Variants in ZCCHC14 observed in about 807,000 individuals in gnomAD.
ZCCHC14 encodes zinc finger CCHC-type containing 14, also known as zinc finger CCHC domain-containing protein 14.
A neutral mutation model predicts 85.0 loss-of-function variants in ZCCHC14; 16 were observed. The observed-to-expected ratio is 0.19, with a 90% CI of 0.13 to 0.29. ZCCHC14 has a LOEUF of 0.29. Among genes scored for constraint, ZCCHC14 ranks in the 10% least tolerant of loss-of-function variants. The pLI, the probability that ZCCHC14 is intolerant of heterozygous loss-of-function variation, is 1.00. For missense variants in ZCCHC14, 1,303 were observed against 1,443.5 expected (o/e 0.90, Z 1.58); for synonymous variants, 775 against 630.7 (o/e 1.23, Z -3.43).
At position 87,412,993 on chromosome 16, in the gene ZCCHC14, G is replaced by T. The variant is rs368465294; in HGVS notation, c.1745-17C>A. 4.6e-5 allele frequency: 74 copies of T among 1,613,612 alleles called. No individual in the cohort carries two copies. The highest frequency in any genetic ancestry group is 2.5e-4 in the Admixed American group (15 of 59,944). On this transcript the variant is annotated splice_polypyrimidine_tract_variant and intron_variant, in intron 11 of 12. Transcript: ENST00000671377. ...TCTCCACACCTAGAGAGGGAAACAA[G>T]AGTGGTCAGTGCCATTCCACAGCTG...
At chr16:87,426,352 C>CGA (rs1909371086) in intron 3 of ZCCHC14, among the ~76,000 whole-genome samples, 1 of 152,256 alleles carries the variant, frequency 6.6e-6, no homozygotes, top group African/African-American at 2.4e-5. Context: ...TACCCCATTA[C>CGA]TTTACATTTC....
intron 10 of ZCCHC14, 49 bp from the exon 11 acceptor site, chr16:87,413,244 C>T: frequency 6.8e-7 from 1 of 1,473,718 alleles, no homozygotes; most frequent in Non-Finnish European, 9.0e-7. Flanking sequence ...CCCCTGCAGG[C>T]TCAGCCCGCC....
At chr16:87,487,461 G>C (rs925659562) in intron 1 of ZCCHC14, among the ~76,000 whole-genome samples, 5 of 152,144 alleles carry the variant, frequency 3.3e-5, no homozygotes, top group Non-Finnish European at 5.9e-5. Context: ...AAATGCACCA[G>C]CCCGGAGGCT....
Position 87,406,293 on chromosome 16 carries a change from A to G in ZCCHC14, c.*3987T>C, listed in dbSNP as rs1300099342. The G allele has an allele frequency of 6.6e-6, 1 of 152,626 alleles. No homozygotes were observed. The highest frequency in any genetic ancestry group is 2.4e-5 in the African/African-American group (1 of 41,460). The allele number at this position is 152,626 out of a possible 1,614,324, so 9.5% of individuals were successfully genotyped here. On this transcript the variant is annotated 3_prime_UTR_variant, in exon 13 of 13. Coordinates refer to ENST00000671377, the MANE Select transcript of ZCCHC14 (RefSeq NM_015144.3). ...TTTCAGTACATTAAATTTACTCATA[A>G]AAACATTCTAAAAATGTACAATTTG...
chr16:87,444,734 G>A (rs970013014), intron 2 of ZCCHC14, among the ~76,000 whole-genome samples: 4 of 152,154 alleles, frequency 2.6e-5, no homozygotes, highest in African/African-American at 9.7e-5. Flanking sequence ...AAGTATCCGG[G>A]TCATGAAAGA....
At chr16:87,427,852 A>T (rs1597409846) in intron 3 of ZCCHC14, among the ~76,000 whole-genome samples, 2 of 150,458 alleles carry the variant, frequency 1.3e-5, no homozygotes, top group African/African-American at 4.9e-5. Context: ...TCACCATGTC[A>T]CCCAGGCTGG....
chr16:87,463,410 A>G (rs1911367428), intron 1 of ZCCHC14, among the ~76,000 whole-genome samples: 1 of 152,216 alleles, frequency 6.6e-6, no homozygotes, highest in Non-Finnish European at 1.5e-5. Flanking sequence ...ACCACAGCAG[A>G]GCCCATTCGA....
intron 2 of ZCCHC14, among the ~76,000 whole-genome samples, chr16:87,451,199 C>T (rs977717607): frequency 1.5e-5 from 2 of 136,690 alleles, no homozygotes; most frequent in Non-Finnish European, 3.1e-5. Context: ...GGCGCCCAGC[C>T]TTTTTTTTTT....
intron 3 of ZCCHC14, among the ~76,000 whole-genome samples, chr16:87,430,270 T>C (rs1484978439): frequency 6.6e-6 from 1 of 152,176 alleles, no homozygotes; most frequent in Non-Finnish European, 1.5e-5. Context: ...TACGGACGTC[T>C]GTTCCAGGGT....
chr16:87,449,938 G>C (rs1383460958), intron 2 of ZCCHC14, among the ~76,000 whole-genome samples: 1 of 152,192 alleles, frequency 6.6e-6, no homozygotes, highest in Non-Finnish European at 1.5e-5. Flanking sequence ...TCAGTTACTG[G>C]GGAGGCTGAG....
Position 87,419,803 on chromosome 16 carries a change from G to T in ZCCHC14, c.1025C>A (p.Pro342Gln), listed in dbSNP as rs758287369. ...VRRFLSTSSP[P>Q]QQLQSPSPGN... The stretch of plus-strand genomic sequence containing the variant: ...CTCACTTGGACTCTGAAGCTGCTGT[G>T]GGGGAGAGGAAGTGCTGAGAAACCT... The change falls in exon 6 of 13, where the codon CCA becomes CAA. Residue 342 changes from proline to glutamine, a missense_variant. Physicochemically the swap from Pro to Gln is moderately conservative, Grantham distance 76. Coordinates refer to ENST00000671377, the MANE Select transcript of ZCCHC14 (RefSeq NM_015144.3). 6.2e-7 allele frequency: 1 copy of T among 1,610,526 alleles called. No homozygotes were observed. Among genetic ancestry groups the T allele is most frequent in the Non-Finnish European group, 8.5e-7 (1 of 1,178,690 alleles).
intron 4 of ZCCHC14, among the ~76,000 whole-genome samples, chr16:87,422,622 G>T (rs1459851317): frequency 6.6e-6 from 1 of 151,816 alleles, no homozygotes; most frequent in Admixed American, 6.6e-5. Flanking sequence ...TGTGATCCCA[G>T]CAACTTGGGA....
At chr16:87,430,448 A>G (rs1315086956) in intron 3 of ZCCHC14, among the ~76,000 whole-genome samples, 1 of 152,096 alleles carries the variant, frequency 6.6e-6, no homozygotes, top group African/African-American at 2.4e-5. Context: ...CAGGTTGTGC[A>G]AGTCTTCCAA....
At chr16:87,482,308 C>A (rs1225070557) in intron 1 of ZCCHC14, among the ~76,000 whole-genome samples, 1 of 152,008 alleles carries the variant, frequency 6.6e-6, no homozygotes, top group Admixed American at 6.6e-5. Context: ...AATTATAAAG[C>A]AAAAACAAAG....
intron 1 of ZCCHC14, among the ~76,000 whole-genome samples, chr16:87,462,058 A>G (rs1174202845): frequency 6.7e-6 from 1 of 149,986 alleles, no homozygotes; most frequent in East Asian, 2.0e-4. Context: ...GCTTGAAACT[A>G]TGAGTTTGTT....
chr16:87,462,753 A>G (rs1911331178), intron 1 of ZCCHC14, among the ~76,000 whole-genome samples: 1 of 146,738 alleles, frequency 6.8e-6, no homozygotes, highest in African/African-American at 2.5e-5. Context: ...AAAAAAAAAG[A>G]AAAAAGAAAA....
rs922112709 is a variant in ZCCHC14 at position 87,407,858 on chromosome 16, C to G, written c.*2422G>C. On this transcript the variant is annotated 3_prime_UTR_variant, in exon 13 of 13. Transcript: ENST00000671377. ...TCCGAGCTCGCTGCTGGCAAACTCT[C>G]AAGTCCAAGTGTGCGGCTCCCTCCG... 3 of 152,696 alleles carry G rather than the reference C, an allele frequency of 2.0e-5. No individual in the cohort carries two copies. The highest frequency in any genetic ancestry group is 4.4e-5 in the Non-Finnish European group (3 of 68,056). The allele number at this position is 152,696 out of a possible 1,614,324, so 9.5% of individuals were successfully genotyped here. A position where few individuals can be genotyped will look rare whatever the true frequency, so the allele number is the denominator to read the frequency against.
chr16:87,436,342 G>A (rs1400487942), intron 2 of ZCCHC14, among the ~76,000 whole-genome samples: 3 of 152,274 alleles, frequency 2.0e-5, no homozygotes, highest in African/African-American at 7.2e-5. Flanking sequence ...GGCACCTCCG[G>A]GCCCAGGAGC....
intron 1 of ZCCHC14, among the ~76,000 whole-genome samples, chr16:87,463,250 C>A (rs1310753867): frequency 6.6e-6 from 1 of 152,052 alleles, no homozygotes; most frequent in Non-Finnish European, 1.5e-5. Flanking sequence ...GGTGTCGTGG[C>A]CTGTGCCTGC....
Sources: gnomAD v4.1 joint callset for allele counts (sites outside exome capture counted in the v4.1 genomes callset) on GRCh38, gnomAD v4.1.1 for gene constraint, MANE v1.5 for transcripts, NCBI Gene and HGNC (gene_info 2026-07-23, HGNC 2026-07-21) for gene names.